Variants in ZDHHC14 observed in about 807,000 individuals in gnomAD.
The protein encoded by ZDHHC14 is zDHHC palmitoyltransferase 14.
Under a neutral mutation model 47.7 loss-of-function variants are expected in ZDHHC14, and 16 were observed. The observed-to-expected ratio is 0.34, with a 90% confidence interval of 0.23 to 0.51. The LOEUF is 0.51. Ranked by LOEUF, ZDHHC14 falls within the 20% of genes least tolerant of loss-of-function variation. The pLI, the probability that ZDHHC14 is intolerant of heterozygous loss-of-function variation, is 0.97. For missense variants in ZDHHC14, 515 were observed against 662.5 expected, an observed-to-expected ratio of 0.78 and a Z score of 2.44; for synonymous variants, 293 against 278.9, an observed-to-expected ratio of 1.05 and a Z score of -0.50.
At chr6:157,660,321 C>T (rs113741626) in intron 8 of ZDHHC14, among the ~76,000 whole-genome samples, 2,959 of 151,952 alleles carry the variant, frequency 0.019, 48 homozygotes, top group Non-Finnish European at 0.03. Context: ...GCCTCCCAAA[C>T]AGCTGGGATT....
intron 3 of ZDHHC14, among the ~76,000 whole-genome samples, chr6:157,611,864 G>A (rs556839601): frequency 1.2e-4 from 18 of 152,228 alleles, no homozygotes; most frequent in African/African-American, 4.1e-4. Context: ...TGGCTCTGAC[G>A]AGTGTGTGTT....
chr6:157,555,478 T>G (rs1469225217), intron 2 of ZDHHC14, among the ~76,000 whole-genome samples: 1 of 152,204 alleles, frequency 6.6e-6, no homozygotes. Flanking sequence ...TTTTTTATCG[T>G]AGGATATCCC....
At chr6:157,550,608 CACACAGACACTCTAGAGAGACCATG>C (rs1782191256) in intron 2 of ZDHHC14, among the ~76,000 whole-genome samples, 1 of 152,240 alleles carries the variant, frequency 6.6e-6, no homozygotes, top group Admixed American at 6.5e-5. Flanking sequence ...AACATGGTGT[CACACAGACACTCTAGAGAGACCATG>C]GTGTCACATA....
intron 1 of ZDHHC14, among the ~76,000 whole-genome samples, chr6:157,532,649 C>T (rs764957691): frequency 6.6e-6 from 1 of 152,208 alleles, no homozygotes; most frequent in Non-Finnish European, 1.5e-5. Context: ...TCTCTAGTCA[C>T]ATTCCTCCAA....
intron 2 of ZDHHC14, among the ~76,000 whole-genome samples, chr6:157,572,892 G>C (rs1274988735): frequency 2.7e-5 from 4 of 150,686 alleles, no homozygotes; most frequent in Admixed American, 1.3e-4. Context: ...ACTTCCATTG[G>C]GCTTTTTCCC....
chr6:157,493,106 G>A lies in ZDHHC14; in HGVS notation c.246-49479G>A, dbSNP rs1779970312. Among the ~76,000 whole-genome samples, 2 of 152,222 alleles carry A rather than the reference G, an allele frequency of 1.3e-5. 1 individual carries two copies. The highest frequency in any genetic ancestry group is 4.1e-4 in the South Asian group (2 of 4,836). On this transcript the variant is annotated intron_variant, in intron 1 of 8. Transcript: ENST00000359775. ...AAGGAGACTGAGGTGCTACTGCAAT[G>A]ATCCAGGCAAAGATGGTGGCACTGG...
In ZDHHC14 at chr6:157,463,221, C is replaced by T. The variant is rs1779135759; in HGVS notation, c.246-79364C>T. Reference sequence around the variant, plus strand: ...CATAAGAAAATAGAAATGTCACAGCCTGTTGTTTCTGTTGTCTCTTCGGTG... The same window carrying T: ...CATAAGAAAATAGAAATGTCACAGCTTGTTGTTTCTGTTGTCTCTTCGGTG... On this transcript the variant is annotated intron_variant, in intron 1 of 8. Transcript: ENST00000359775. The surrounding 1 kb of genome is among the most constrained non-coding windows in gnomAD (Gnocchi z 4.4). 6.6e-6 allele frequency among the ~76,000 whole-genome samples: 1 copy of T among 152,120 alleles called. No homozygotes were observed. The highest frequency in any genetic ancestry group is 1.5e-5 in the Non-Finnish European group (1 of 68,024).
chr6:157,661,566 T>C (rs1277780365), intron 8 of ZDHHC14, among the ~76,000 whole-genome samples: 1 of 152,150 alleles, frequency 6.6e-6, no homozygotes, highest in Non-Finnish European at 1.5e-5. Context: ...GCTTTGCAAA[T>C]AGCTTATGCA....
intron 1 of ZDHHC14, among the ~76,000 whole-genome samples, chr6:157,393,212 C>T (rs772524996): frequency 6.6e-6 from 1 of 152,174 alleles, no homozygotes; most frequent in African/African-American, 2.4e-5. Context: ...CTTTAGCACA[C>T]TATTTAAAAA....
intron 3 of ZDHHC14, among the ~76,000 whole-genome samples, chr6:157,611,053 T>C (rs962268485): frequency 1.3e-5 from 2 of 152,210 alleles, no homozygotes; most frequent in Non-Finnish European, 2.9e-5. Flanking sequence ...AGGGTCCTGC[T>C]CTGTCTGCTG....
intron 3 of ZDHHC14, among the ~76,000 whole-genome samples, chr6:157,615,119 GC>G (rs1262439964): frequency 6.6e-6 from 1 of 152,102 alleles, no homozygotes; most frequent in Admixed American, 6.5e-5. Flanking sequence ...TTTGCCACGG[GC>G]CCCCGACATT....
At chr6:157,474,260 C>T (rs140554956) in intron 1 of ZDHHC14, among the ~76,000 whole-genome samples, 2,367 of 152,196 alleles carry the variant, frequency 0.016, 31 homozygotes, top group Non-Finnish European at 0.023. Flanking sequence ...CAAAGTCCTG[C>T]GACTACAGGT....
chr6:157,599,885 A>G (rs926198003), intron 3 of ZDHHC14, among the ~76,000 whole-genome samples: 4 of 152,228 alleles, frequency 2.6e-5, no homozygotes, highest in East Asian at 3.8e-4. Flanking sequence ...ATGGTTTTCT[A>G]TAATTATTGA....
rs1778989264 is a variant in ZDHHC14, at chr6:157,677,524, C to T, written c.*4402C>T. ...TGGGAGATTGAAGATTAGATGGTTT[C>T]TGGAGCAACCGAATTTGCAGCTGCC... On this transcript the variant is annotated 3_prime_UTR_variant, in exon 9 of 9. Transcript: ENST00000359775. The T allele has an allele frequency of 6.6e-6, 1 of 152,088 alleles. No individual in the cohort carries two copies. The highest frequency in any genetic ancestry group is 1.5e-5 in the Non-Finnish European group (1 of 68,004). The allele number at this position is 152,088 out of a possible 1,614,324, so 9.4% of individuals were successfully genotyped here. A position where few individuals can be genotyped will look rare whatever the true frequency, so the allele number is the denominator to read the frequency against.
chr6:157,469,812 A>C (rs1462750654), intron 1 of ZDHHC14, among the ~76,000 whole-genome samples: 1 of 152,210 alleles, frequency 6.6e-6, no homozygotes, highest in East Asian at 1.9e-4. Flanking sequence ...GGTGCCCGGA[A>C]GTGGAGCAGA....
chr6:157,499,442 C>T (rs1780143485), intron 1 of ZDHHC14, among the ~76,000 whole-genome samples: 1 of 151,678 alleles, frequency 6.6e-6, no homozygotes, highest in Non-Finnish European at 1.5e-5. Flanking sequence ...TGGGGCCCCA[C>T]ACTTATGATC....
Position 157,381,990 on chromosome 6 carries a change from G to T in ZDHHC14, c.-32G>T. 7.7e-7 allele frequency: 1 copy of T among 1,300,620 alleles called. No individual in the cohort carries two copies. Among genetic ancestry groups the T allele is most frequent in the South Asian group, 1.9e-5 (1 of 52,102 alleles). The allele number at this position is 1,300,620 out of a possible 1,614,324, so 80.6% of individuals were successfully genotyped here. ...GCCCGCGCGGCCGGGGGGCTCCTGGGGGTGTGCGCCCCCAGCCGGCTGCCC... is the reference window on the plus strand; with the variant it reads ...GCCCGCGCGGCCGGGGGGCTCCTGGTGGTGTGCGCCCCCAGCCGGCTGCCC... On this transcript the variant is annotated 5_prime_UTR_variant, in exon 1 of 9. Transcript: ENST00000359775.
intron 1 of ZDHHC14, among the ~76,000 whole-genome samples, chr6:157,458,232 T>G (rs1178201489): frequency 1.3e-5 from 2 of 152,242 alleles, no homozygotes; most frequent in African/African-American, 2.4e-5. Flanking sequence ...CTTTTTCCTC[T>G]TCATAGTTCC....
chr6:157,445,105 T>TACACACACACACAC (rs533031947), intron 1 of ZDHHC14, among the ~76,000 whole-genome samples: 165 of 131,752 alleles, frequency 1.3e-3, no homozygotes, highest in African/African-American at 4.2e-3. Context: ...TGCCAGATAT[T>TACACACACACACAC]ACACACACAC....
Sources: gnomAD v4.1 joint callset for allele counts (sites outside exome capture counted in the v4.1 genomes callset) on GRCh38, gnomAD v4.1.1 for gene constraint, Gnocchi (gnomAD v3.1) non-coding constraint, MANE v1.5 for transcripts, NCBI Gene and HGNC (gene_info 2026-07-23, HGNC 2026-07-21) for gene names.